Variants in SPDL1 observed in about 807,000 individuals in gnomAD.
SPDL1 encodes the protein protein Spindly.
SPDL1 carries 85 observed loss-of-function variants against 79.5 expected under a neutral mutation model. The observed-to-expected ratio is 1.07, with a 90% CI of 0.90 to 1.28. The LOEUF is 1.28. Among genes scored for constraint, SPDL1 ranks in the 50% most tolerant of loss-of-function variants. The probability of loss-of-function intolerance (pLI) is 0.00; values close to 1 mark genes in which losing one functional copy is unlikely to be tolerated. For synonymous variants in SPDL1, 269 were observed against 240.3 expected (o/e 1.12, Z -1.10); for missense variants, 703 against 697.8 (o/e 1.01, Z -0.08).
chr5:169,589,690 CT>C (rs566874398), intron 2 of SPDL1, among the ~76,000 whole-genome samples: 19 of 150,560 alleles, frequency 1.3e-4, no homozygotes, highest in Non-Finnish European at 2.7e-4. Flanking sequence ...CCCTGATTCA[CT>C]TTTTTTTTCT....
chr5:169,597,002 A>G (rs1392942496), intron 8 of SPDL1, among the ~76,000 whole-genome samples: 1 of 152,168 alleles, frequency 6.6e-6, no homozygotes, highest in Non-Finnish European at 1.5e-5. Context: ...TTATATCAGT[A>G]TAGCCTCATG....
chr5:169,602,082 G>T (rs13167686), intron 11 of SPDL1: 109,437 of 182,820 alleles, frequency 0.6, 33,252 homozygotes, highest in East Asian at 0.73. Context: ...TCAAAAATGG[G>T]CTTCAATACT....
In SPDL1 at chr5:169,604,018, TA is replaced by T. The variant is rs1295400271; in HGVS notation, c.1671-40del. 5 of 1,575,952 alleles carry T rather than the reference TA, an allele frequency of 3.2e-6. No individual in the cohort carries two copies. The African/African-American group carries it at 6.8e-5, about 22-fold the overall frequency. The stretch of plus-strand genomic sequence containing the variant: ...GGGGGTTTGTTTCTTCAATCCTTCA[TA>T]ACCACATTTGAATTCAGAGTGGATG... On this transcript the variant is annotated intron_variant, in intron 11 of 11. Transcript: ENST00000265295.
Position 169,601,268 on chromosome 5 carries a change from T to A in SPDL1, c.1325-12T>A. On this transcript the variant is annotated splice_polypyrimidine_tract_variant and intron_variant, in intron 10 of 11. Transcript: ENST00000265295. ...TAGATTTTTTCTTTTCCCCACTCGT[T>A]TTTATTCTCAGAGACAGTTGAAGTG... The A allele has an allele frequency of 6.3e-7, 1 of 1,578,970 alleles. No homozygotes were observed. The highest frequency in any genetic ancestry group is 8.6e-7 in the Non-Finnish European group (1 of 1,165,750).
In SPDL1 at chr5:169,593,490, G is replaced by T. The variant is rs760979968; in HGVS notation, c.473G>T (p.Ser158Ile). 4.7e-5 allele frequency: 76 copies of T among 1,613,814 alleles called. No homozygotes were observed. Among genetic ancestry groups the T allele is most frequent in the Non-Finnish European group, 5.8e-5 (69 of 1,179,960 alleles). Residue 158 changes from serine to isoleucine, a missense_variant, in exon 4 of 12, where the codon AGC becomes ATC. Coordinates refer to ENST00000265295, the MANE Select transcript of SPDL1 (RefSeq NM_017785.5). Reference protein sequence around the residue: ...LRVMSERVQESMSSEMLALQI... With the variant: ...LRVMSERVQEIMSSEMLALQI... The stretch of plus-strand genomic sequence containing the variant: ...GTAATGTCTGAACGTGTGCAGGAAA[G>T]CATGTCTTCAGAGATGCTGGCTCTT...
intron 11 of SPDL1, among the ~76,000 whole-genome samples, chr5:169,602,648 A>C (rs1054914709): frequency 1.3e-5 from 2 of 152,190 alleles, no homozygotes; most frequent in Non-Finnish European, 2.9e-5. Context: ...GTGCTACTAA[A>C]TGTAATATTC....
intron 11 of SPDL1, 63 bp from the exon 12 acceptor site, chr5:169,603,997 G>T (rs953444624): frequency 2.6e-6 from 4 of 1,526,656 alleles, no homozygotes; most frequent in East Asian, 2.3e-5. Flanking sequence ...TATACTGGGG[G>T]TTTGTTTCTT....
chr5:169,595,292 G>A (rs963882445), intron 7 of SPDL1: 1 of 152,182 alleles, frequency 6.6e-6, no homozygotes, highest in African/African-American at 2.4e-5. Flanking sequence ...CTCTACTGAG[G>A]TAGTAATTGG....
chr5:169,585,022 A>AG (rs1296390029), intron 1 of SPDL1, among the ~76,000 whole-genome samples: 1 of 151,930 alleles, frequency 6.6e-6, no homozygotes, highest in Non-Finnish European at 1.5e-5. Context: ...GTCTCAAAAA[A>AG]AAAAAAAAGA....
chr5:169,590,386 T>C (rs530631027), intron 2 of SPDL1, among the ~76,000 whole-genome samples: 35 of 152,368 alleles, frequency 2.3e-4, no homozygotes, highest in African/African-American at 8.4e-4. Context: ...TTTCAGTGTT[T>C]AACAGTTAAT....
chr5:169,597,246 G>A (rs989476480), intron 8 of SPDL1, among the ~76,000 whole-genome samples: 6 of 151,658 alleles, frequency 4.0e-5, no homozygotes. Context: ...GTGTGTGTGT[G>A]TGTGTGTGTG....
chr5:169,604,461 A>G lies in SPDL1; in HGVS notation c.*254A>G, dbSNP rs953351549. On this transcript the variant is annotated 3_prime_UTR_variant, in exon 12 of 12. Coordinates refer to ENST00000265295, the MANE Select transcript of SPDL1 (RefSeq NM_017785.5). ...TAATTGAAGGAAAATGTTATAATTA[A>G]TGTATCTATTTGCTGCATTGTATAT... 2.1e-5 allele frequency: 5 copies of G among 236,714 alleles called. No homozygotes were observed. The highest frequency in any genetic ancestry group is 1.3e-3 in the Middle Eastern group (1 of 780). 14.7% of individuals were successfully genotyped at this position (236,714 alleles called of 1,614,324 possible).
chr5:169,594,690 CT>C lies in SPDL1; in HGVS notation c.891+12del, dbSNP rs1404039001. On this transcript the variant is annotated intron_variant, in intron 7 of 11. Transcript: ENST00000265295. ...AGATGCAGAGAATGAAGGTATAGAACTTTCACTATCAAAGGTTTATTAAACA... is the reference window on the plus strand; with the variant it reads ...AGATGCAGAGAATGAAGGTATAGAACTTCACTATCAAAGGTTTATTAAACA... 3.1e-6 allele frequency: 5 copies of C among 1,587,690 alleles called. No homozygotes were observed. Among genetic ancestry groups the C allele is most frequent in the Non-Finnish European group, 4.3e-6 (5 of 1,157,918 alleles).
intron 11 of SPDL1, chr5:169,601,987 G>T: frequency 3.3e-6 from 1 of 300,580 alleles, no homozygotes; most frequent in Non-Finnish European, 6.4e-6. Context: ...TTTCTCAAAG[G>T]GCTTTCCAGT....
intron 11 of SPDL1, among the ~76,000 whole-genome samples, chr5:169,602,753 C>T (rs1373690137): frequency 6.6e-6 from 1 of 152,114 alleles, no homozygotes; most frequent in African/African-American, 2.4e-5. Context: ...ATGTTATAAC[C>T]TCTGAGTCAC....
rs1561878255 is a variant in SPDL1, at chr5:169,601,549, T to C, written c.1594T>C (p.Cys532Arg). 6.2e-7 allele frequency: 1 copy of C among 1,614,126 alleles called. No individual in the cohort carries two copies. Among genetic ancestry groups the C allele is most frequent in the East Asian group, 2.2e-5 (1 of 44,878 alleles). The change falls in exon 11 of 12, where the codon TGT becomes CGT. Residue 532 changes from cysteine to arginine, a missense_variant. Coordinates refer to ENST00000265295, the MANE Select transcript of SPDL1 (RefSeq NM_017785.5). ...VDMQLKKEKK[C>R]VKLIGVPADA... ...TATGCAGCTGAAGAAGGAAAAGAAA[T>C]GTGTGAAACTCATAGGAGTTCCCGC... is the stretch of plus-strand genomic sequence containing the variant.
rs1755862654 is a variant in SPDL1, at chr5:169,601,284, A to C, written c.1329A>C (p.Thr443=). 2 of 1,597,590 alleles carry C rather than the reference A, an allele frequency of 1.3e-6. No homozygotes were observed. Among genetic ancestry groups the C allele is most frequent in the Non-Finnish European group, 1.7e-6 (2 of 1,173,422 alleles). The change falls in exon 11 of 12, where the codon ACA becomes ACC. Residue 443 remains threonine (T), a synonymous_variant. Transcript: ENST00000265295. ...CCCACTCGTTTTTATTCTCAGAGAC[A>C]GTTGAAGTGCCTGTACTGAAAAAGA... ...ELKLKYEPEE[T]VEVPVLKKRR...
intron 10 of SPDL1, among the ~76,000 whole-genome samples, chr5:169,599,777 T>C (rs905826482): frequency 5.9e-5 from 9 of 152,144 alleles, no homozygotes; most frequent in Admixed American, 3.3e-4. Flanking sequence ...GGAATTCTTT[T>C]ATTAAGGAAG....
intron 11 of SPDL1, 167 bp downstream of exon 11, chr5:169,601,792 A>G (rs920860854): frequency 2.3e-5 from 17 of 730,320 alleles, no homozygotes; most frequent in Non-Finnish European, 3.9e-5. Context: ...TTTAAGAAAG[A>G]CTAAACTGAT....
Sources: allele counts gnomAD v4.1 joint callset (sites outside exome capture counted in the v4.1 genomes callset), GRCh38; gene constraint gnomAD v4.1.1; transcripts MANE v1.5; gene names NCBI Gene and HGNC (gene_info 2026-07-23, HGNC 2026-07-21).